CACNA2D3: variants seen among roughly 807,000 people sequenced by gnomAD.
The protein encoded by CACNA2D3 is voltage-dependent calcium channel subunit alpha-2/delta-3.
Under a neutral mutation model 160.6 loss-of-function variants are expected in CACNA2D3, and 60 were observed. The ratio of observed to expected loss-of-function variants is 0.37; its 90% CI spans 0.30 to 0.46. CACNA2D3 has a LOEUF of 0.46. Among genes scored for constraint, CACNA2D3 ranks in the 20% least tolerant of loss-of-function variants. CACNA2D3 has a pLI of 1.00. For synonymous variants in CACNA2D3, 558 were observed against 492.9 expected, an observed-to-expected ratio of 1.13 and a Z score of -1.75; for missense variants, 1,205 against 1,365.0, an observed-to-expected ratio of 0.88 and a Z score of 1.85.
chr3:54,878,571 CT>C (rs113938879), intron 18 of CACNA2D3: 7,615 of 141,352 alleles, frequency 0.054, 256 homozygotes, highest in African/African-American at 0.086. Context: ...AATGCTTGGC[CT>C]TTTTTTTTTT....
chr3:54,243,959 T>A (rs928889173), intron 2 of CACNA2D3, among the ~76,000 whole-genome samples: 1 of 152,200 alleles, frequency 6.6e-6, no homozygotes, highest in Non-Finnish European at 1.5e-5. Flanking sequence ...GATACAGATA[T>A]AGGGGGATTT....
At chr3:54,124,291 C>A (rs897733011) in intron 2 of CACNA2D3, among the ~76,000 whole-genome samples, 4 of 151,944 alleles carry the variant, frequency 2.6e-5, no homozygotes, top group African/African-American at 4.8e-5. Flanking sequence ...TTCAAATAGG[C>A]AGCATTTTAA....
intron 11 of CACNA2D3, among the ~76,000 whole-genome samples, chr3:54,704,114 T>C (rs900916327): frequency 2.6e-5 from 4 of 152,204 alleles, no homozygotes; most frequent in Non-Finnish European, 5.9e-5. Flanking sequence ...TACAAAAGGC[T>C]CAGTGCTCAG....
At chr3:54,735,014 C>A (rs562006175) in intron 11 of CACNA2D3, among the ~76,000 whole-genome samples, 1 of 152,344 alleles carries the variant, frequency 6.6e-6, no homozygotes, top group Admixed American at 6.5e-5. Flanking sequence ...TCCAGTCTTT[C>A]TCTGCCCTAG....
rs1033893967 is a variant in CACNA2D3, at chr3:54,272,259, A to G, written c.205-48183A>G. 1.3e-5 allele frequency among the ~76,000 whole-genome samples: 2 copies of G among 152,108 alleles called. 1 individual carries two copies. Among genetic ancestry groups the G allele is most frequent in the Middle Eastern group, 6.8e-3 (2 of 294 alleles). ...GAGTCACTTCTTTGTTTTCTTGTAC[A>G]TTTTGCCTCACCTACCTCAAGGCTA... On this transcript the variant is annotated intron_variant, in intron 2 of 37. Coordinates refer to ENST00000474759, the MANE Select transcript of CACNA2D3 (RefSeq NM_018398.3).
intron 3 of CACNA2D3, among the ~76,000 whole-genome samples, chr3:54,322,707 A>G (rs779635044): frequency 6.6e-6 from 1 of 152,178 alleles, no homozygotes; most frequent in Non-Finnish European, 1.5e-5. Flanking sequence ...GATAGGAGGT[A>G]GTCTTGCAGC....
chr3:54,466,686 A>G (rs565162624), intron 4 of CACNA2D3, among the ~76,000 whole-genome samples: 8 of 152,240 alleles, frequency 5.3e-5, no homozygotes, highest in Non-Finnish European at 1.2e-4. Flanking sequence ...TATGACTGAT[A>G]TAAAATAGTT....
At chr3:54,216,127 A>G (rs921573631) in intron 2 of CACNA2D3, among the ~76,000 whole-genome samples, 1 of 135,398 alleles carries the variant, frequency 7.4e-6, no homozygotes, top group African/African-American at 2.6e-5. Flanking sequence ...CTGCAATTTT[A>G]GTTGTACGTG....
chr3:54,865,377 G>T (rs1054732028), intron 17 of CACNA2D3, among the ~76,000 whole-genome samples: 1 of 152,242 alleles, frequency 6.6e-6, no homozygotes, highest in African/African-American at 2.4e-5. Flanking sequence ...TACTTAGATT[G>T]TGACTCTCTC....
rs560442870 is a variant in CACNA2D3 at position 54,963,814 on chromosome 3, AC to A, written c.2450-4635del. On this transcript the variant is annotated intron_variant, in intron 27 of 37. Transcript: ENST00000474759. ...TCAATACACCTATCACCCAGCACAT[AC>A]TGGGTTTCTGATAAACATGGGAGAA... Among the ~76,000 whole-genome samples, 175 of 152,300 alleles carry A rather than the reference AC, an allele frequency of 1.1e-3. 1 individual carries two copies. The highest frequency in any genetic ancestry group is 4.0e-3 in the African/African-American group (166 of 41,566).
intron 34 of CACNA2D3, among the ~76,000 whole-genome samples, chr3:55,015,080 G>A (rs571433888): frequency 2.0e-5 from 3 of 152,316 alleles, no homozygotes; most frequent in African/African-American, 7.2e-5. Context: ...TCACCATTGA[G>A]AGTATTGGAC....
intron 4 of CACNA2D3, among the ~76,000 whole-genome samples, chr3:54,406,834 AG>A (rs1188559019): frequency 1.3e-5 from 2 of 152,254 alleles, no homozygotes; most frequent in East Asian, 3.9e-4. Flanking sequence ...GTCACTGGGA[AG>A]GGGGATGGGT....
intron 31 of CACNA2D3, among the ~76,000 whole-genome samples, chr3:54,997,960 A>G (rs1230549201): frequency 6.6e-6 from 1 of 152,150 alleles, no homozygotes; most frequent in Admixed American, 6.5e-5. Flanking sequence ...TTAAGTGTGC[A>G]GCTTTAAACT....
At chr3:55,067,375 CT>C (rs1436605844) in intron 35 of CACNA2D3, among the ~76,000 whole-genome samples, 2 of 152,190 alleles carry the variant, frequency 1.3e-5, no homozygotes, top group African/African-American at 4.8e-5. Flanking sequence ...GGGTTTGAAC[CT>C]CTGCTCTGCC....
intron 10 of CACNA2D3, among the ~76,000 whole-genome samples, chr3:54,636,601 C>G (rs1337592725): frequency 6.6e-6 from 1 of 151,978 alleles, no homozygotes; most frequent in Non-Finnish European, 1.5e-5. Context: ...TAGGCTAAAA[C>G]AGTAAGGTCA....
chr3:54,381,175 A>G (rs904456627), intron 3 of CACNA2D3, among the ~76,000 whole-genome samples: 5 of 152,194 alleles, frequency 3.3e-5, no homozygotes, highest in African/African-American at 4.8e-5. Flanking sequence ...GTATTTTACA[A>G]CCCAAAGGTT....
chr3:54,963,027 T>A (rs947120497), intron 27 of CACNA2D3, among the ~76,000 whole-genome samples: 21 of 152,254 alleles, frequency 1.4e-4, no homozygotes, highest in Admixed American at 3.3e-4. Context: ...TAACATGATA[T>A]GAGATGCATG....
At chr3:54,343,415 C>T (rs1698397460) in intron 3 of CACNA2D3, among the ~76,000 whole-genome samples, 1 of 152,136 alleles carries the variant, frequency 6.6e-6, no homozygotes, top group South Asian at 2.1e-4. Context: ...CCACAGCCTC[C>T]CAAGTAGTTG....
intron 2 of CACNA2D3, among the ~76,000 whole-genome samples, chr3:54,131,449 AC>A (rs917514235): frequency 6.6e-6 from 1 of 152,160 alleles, no homozygotes; most frequent in Non-Finnish European, 1.5e-5. Flanking sequence ...ATCCCAGCAT[AC>A]CCAGCCATTT....
Sources: gnomAD v4.1 joint callset for allele counts (sites outside exome capture counted in the v4.1 genomes callset) on GRCh38, gnomAD v4.1.1 for gene constraint, MANE v1.5 for transcripts, NCBI Gene and HGNC (gene_info 2026-07-23, HGNC 2026-07-21) for gene names.